NRXN1: variants seen among roughly 807,000 people sequenced by gnomAD.
NRXN1 encodes neurexin 1.
A neutral mutation model predicts 150.9 loss-of-function variants in NRXN1; 39 were observed. The ratio of observed to expected loss-of-function variants is 0.26; its 90% confidence interval spans 0.20 to 0.34. NRXN1 has a LOEUF of 0.34. Ranked by LOEUF, NRXN1 falls within the 10% of genes least tolerant of loss-of-function variation. The pLI is 1.00. For synonymous variants in NRXN1, 924 were observed against 757.0 expected (o/e 1.22, Z -3.62); for missense variants, 1,815 against 1,949.9 (o/e 0.93, Z 1.30).
chr2:50,702,957 T>C (rs1346679942), intron 5 of NRXN1, among the ~76,000 whole-genome samples: 1 of 152,056 alleles, frequency 6.6e-6, no homozygotes, highest in Non-Finnish European at 1.5e-5. Context: ...CCCTTTATAA[T>C]AGGATATAAA....
chr2:50,753,040 C>T lies in NRXN1; in HGVS notation c.833-129425G>A, dbSNP rs192780386. On this transcript the variant is annotated intron_variant, in intron 5 of 22. Transcript: ENST00000401669. ...CTATTAACACTTACATGGTTTATTA[C>T]ATTTCATCTGAGGAAAAATGTACAT... Among the ~76,000 whole-genome samples the T allele has an allele frequency of 1.4e-4, 22 of 151,986 alleles. No homozygotes were observed. In the East Asian group the frequency reaches 3.9e-3, roughly 27 times the overall value.
At chr2:50,440,681 C>T (rs2085874570) in intron 17 of NRXN1, among the ~76,000 whole-genome samples, 1 of 152,088 alleles carries the variant, frequency 6.6e-6, no homozygotes, top group Non-Finnish European at 1.5e-5. Context: ...ATTGCTGCCT[C>T]TCTTTCCCCC....
intron 17 of NRXN1, among the ~76,000 whole-genome samples, chr2:50,287,393 A>C (rs2072332656): frequency 6.6e-6 from 1 of 152,124 alleles, no homozygotes; most frequent in African/African-American, 2.4e-5. Context: ...AATGGATAGG[A>C]GACTAAAAAT....
At chr2:50,749,748 T>G (rs145624630) in intron 5 of NRXN1, among the ~76,000 whole-genome samples, 1 of 152,098 alleles carries the variant, frequency 6.6e-6, no homozygotes, top group East Asian at 1.9e-4. Context: ...GATCTGAAAA[T>G]AACCTCAAAG....
intron 13 of NRXN1, among the ~76,000 whole-genome samples, chr2:50,501,948 T>A (rs2091970398): frequency 6.6e-6 from 1 of 152,228 alleles, no homozygotes; most frequent in Non-Finnish European, 1.5e-5. Flanking sequence ...GAGTCTCTAG[T>A]ACCTTCCTTG....
At chr2:50,570,969 A>G (rs1488631072) in intron 8 of NRXN1, among the ~76,000 whole-genome samples, 4 of 152,166 alleles carry the variant, frequency 2.6e-5, no homozygotes, top group Non-Finnish European at 4.4e-5. Context: ...GTAGTCACTC[A>G]GTTACTAGAT....
chr2:50,010,389 G>A (rs1440509265), intron 21 of NRXN1, among the ~76,000 whole-genome samples: 1 of 152,108 alleles, frequency 6.6e-6, no homozygotes, highest in East Asian at 1.9e-4. Context: ...GGAGCCTGAT[G>A]TTATTGTCTT....
intron 20 of NRXN1, among the ~76,000 whole-genome samples, chr2:50,054,213 G>T (rs902746284): frequency 6.7e-6 from 1 of 150,264 alleles, no homozygotes; most frequent in African/African-American, 2.5e-5. Context: ...TTTCTGATTG[G>T]CTTTCAGCAA....
chr2:50,419,614 A>C (rs940052128), intron 17 of NRXN1, among the ~76,000 whole-genome samples: 3 of 151,998 alleles, frequency 2.0e-5, no homozygotes, highest in Admixed American at 6.6e-5. Context: ...AATGAGAAGG[A>C]AGGAAAAAAG....
chr2:50,123,914 G>T (rs1704211428), intron 18 of NRXN1, among the ~76,000 whole-genome samples: 1 of 152,048 alleles, frequency 6.6e-6, no homozygotes, highest in Non-Finnish European at 1.5e-5. Flanking sequence ...ATAAAATCAG[G>T]TAATAAAAAG....
chr2:50,806,857 T>C (rs1667577733), intron 5 of NRXN1, among the ~76,000 whole-genome samples: 1 of 152,210 alleles, frequency 6.6e-6, no homozygotes, highest in Admixed American at 6.5e-5. Context: ...TTTGTATTTC[T>C]AATTTTTGGT....
intron 22 of NRXN1, among the ~76,000 whole-genome samples, chr2:49,929,321 A>T (rs1669714685): frequency 6.6e-6 from 1 of 152,200 alleles, no homozygotes; most frequent in African/African-American, 2.4e-5. Context: ...AATCTCCCTC[A>T]TCTCCAGGGG....
At chr2:50,444,350 C>T (rs2086218117) in intron 17 of NRXN1, among the ~76,000 whole-genome samples, 1 of 152,128 alleles carries the variant, frequency 6.6e-6, no homozygotes, top group African/African-American at 2.4e-5. Context: ...GCAATTAACT[C>T]CCTGGTTGTG....
rs1188018101 is a variant in NRXN1, at chr2:50,346,892, C to T, written c.3365-109922G>A. 1.5e-6 allele frequency: 2 copies of T among 1,310,638 alleles called. No individual in the cohort carries two copies. Among genetic ancestry groups the T allele is most frequent in the Non-Finnish European group, 1.9e-6 (2 of 1,032,520 alleles). 81.2% of individuals were successfully genotyped at this position (1,310,638 alleles called of 1,614,324 possible). A position where few individuals can be genotyped will look rare whatever the true frequency, so the allele number is the denominator to read the frequency against. ...CCTGCGCCGCCGCCGCCGCCGCCGC[C>T]GCCGCCGCCCCCGGGCGAGCCCAGC... On this transcript the variant is annotated intron_variant, in intron 17 of 22. Transcript: ENST00000401669. The surrounding 1 kb of genome is among the most constrained non-coding windows in gnomAD (Gnocchi z 5.0).
At position 50,236,822 on chromosome 2, in the gene NRXN1, A is replaced by G; in HGVS notation, c.3513T>C (p.Ser1171=). The G allele has an allele frequency of 6.2e-7, 1 of 1,613,302 alleles. No individual in the cohort carries two copies. Residue 1171 remains serine (S), a synonymous_variant, in exon 18 of 23, where the codon TCT becomes TCC. Transcript: ENST00000401669. ...KEAVLVRVDS[S]SGLGDYLELH... is the part of the protein sequence containing the mutation. ...GTTCTAGGTAGTCACCCAAGCCTGAAGAACTGTCCACTCGCACCAATACGG... is the reference window on the plus strand; with the variant it reads ...GTTCTAGGTAGTCACCCAAGCCTGAGGAACTGTCCACTCGCACCAATACGG...
chr2:50,797,732 C>G (rs552454422), intron 5 of NRXN1, among the ~76,000 whole-genome samples: 2 of 152,262 alleles, frequency 1.3e-5, no homozygotes, highest in South Asian at 4.1e-4. Context: ...ATTTCAATGT[C>G]AGATACAGAG....
intron 17 of NRXN1, among the ~76,000 whole-genome samples, chr2:50,354,440 G>C (rs1373223694): frequency 6.6e-6 from 1 of 151,104 alleles, no homozygotes; most frequent in Non-Finnish European, 1.5e-5. Context: ...TTAATTGTAG[G>C]GTTGTTGTGA....
At chr2:50,418,835 A>G (rs1013336402) in intron 17 of NRXN1, among the ~76,000 whole-genome samples, 19 of 152,034 alleles carry the variant, frequency 1.2e-4, no homozygotes, top group Non-Finnish European at 8.8e-5. Flanking sequence ...TATATGGCAA[A>G]TCCATTAATC....
At chr2:50,872,959 C>A (rs79165826) in intron 5 of NRXN1, among the ~76,000 whole-genome samples, 1 of 151,778 alleles carries the variant, frequency 6.6e-6, no homozygotes, top group East Asian at 2.0e-4. Context: ...TATGATTGTA[C>A]CACTATACTC....
Sources: allele counts gnomAD v4.1 joint callset (sites outside exome capture counted in the v4.1 genomes callset), GRCh38; gene constraint gnomAD v4.1.1; non-coding constraint Gnocchi (gnomAD v3.1); transcripts MANE v1.5; gene names NCBI Gene and HGNC (gene_info 2026-07-23, HGNC 2026-07-21).